FECH: variants seen among roughly 807,000 people sequenced by gnomAD.
The protein encoded by FECH is ferrochelatase, mitochondrial.
A neutral mutation model predicts 56.9 loss-of-function variants in FECH; 40 were observed. The observed-to-expected ratio is 0.70, with a 90% CI of 0.55 to 0.92. The LOEUF (loss-of-function observed/expected upper bound fraction) is 0.92. Ranked by LOEUF, FECH falls within the 40% of genes least tolerant of loss-of-function variation. FECH has a pLI of 0.00. For missense variants in FECH, 431 were observed against 529.1 expected (o/e 0.81, Z 1.82); for synonymous variants, 175 against 198.6 (o/e 0.88, Z 1.00).
rs181552597 is a variant in FECH at position 57,545,611 on chromosome 18, C to T, written c.*5101G>A. 1.4e-3 allele frequency among the ~76,000 whole-genome samples: 211 copies of T among 152,322 alleles called. 2 individuals carry two copies. The highest frequency in any genetic ancestry group is 4.8e-3 in the African/African-American group (201 of 41,574). Reference sequence around the variant, plus strand: ...GGCTGAAGGGCACCACCTGCTATTGCTCATCATATTCGTGCCATTCAACAA... The same window carrying T: ...GGCTGAAGGGCACCACCTGCTATTGTTCATCATATTCGTGCCATTCAACAA... On this transcript the variant is annotated 3_prime_UTR_variant, in exon 11 of 11. Transcript: ENST00000262093.
At chr18:57,575,635 G>A (rs951670298) in intron 2 of FECH, among the ~76,000 whole-genome samples, 5 of 152,140 alleles carry the variant, frequency 3.3e-5, no homozygotes, top group African/African-American at 1.2e-4. Context: ...TATAGACAGA[G>A]TCTCGCCATG....
Position 57,566,584 on chromosome 18 carries a change from A to G in FECH, c.464-3T>C, listed in dbSNP as rs1243942050. The G allele has an allele frequency of 6.2e-7, 1 of 1,614,152 alleles. No individual in the cohort carries two copies. Among genetic ancestry groups the G allele is most frequent in the Non-Finnish European group, 8.5e-7 (1 of 1,179,984 alleles). On this transcript the variant is annotated splice_polypyrimidine_tract_variant and splice_region_variant and intron_variant, in intron 4 of 10. Coordinates refer to ENST00000262093, the MANE Select transcript of FECH (RefSeq NM_000140.5). The stretch of plus-strand genomic sequence containing the variant: ...TCCAATATAGTATTTGTGAGGGGCT[A>G]TTAGGAAGCACATGTGGAAAGGAGA...
In FECH at chr18:57,570,327, G is replaced by A. The variant is rs143441223; in HGVS notation, c.463+1065C>T. ...GAGGAACTGCATAAGAAATGCCCTT[G>A]AGCCACAGCTTTAAGCAGGAAGCAA... On this transcript the variant is annotated intron_variant, in intron 4 of 10. Coordinates refer to ENST00000262093, the MANE Select transcript of FECH (RefSeq NM_000140.5). 3.3e-4 allele frequency among the ~76,000 whole-genome samples: 50 copies of A among 152,316 alleles called. 1 individual carries two copies. Among genetic ancestry groups the A allele is most frequent in the South Asian group, 6.2e-4 (3 of 4,828 alleles).
intron 9 of FECH, among the ~76,000 whole-genome samples, chr18:57,554,051 G>T (rs923253825): frequency 6.6e-6 from 1 of 152,150 alleles, no homozygotes; most frequent in Non-Finnish European, 1.5e-5. Flanking sequence ...CTGGTTTAAG[G>T]AAAGCACAGG....
At chr18:57,575,962 C>A (rs968547577) in intron 2 of FECH, among the ~76,000 whole-genome samples, 5 of 151,980 alleles carry the variant, frequency 3.3e-5, no homozygotes, top group Non-Finnish European at 5.9e-5. Context: ...TCATTTAGAC[C>A]CCATTATAAA....
rs2050707769 is a variant in FECH at position 57,545,425 on chromosome 18, C to T, written c.*5287G>A. Reference sequence around the variant, plus strand: ...TTATCATGGGGTGCATTTTTCACTTCCTTTTCTCTGAAGAAAGGCTTAGTA... The same window carrying T: ...TTATCATGGGGTGCATTTTTCACTTTCTTTTCTCTGAAGAAAGGCTTAGTA... On this transcript the variant is annotated 3_prime_UTR_variant, in exon 11 of 11. Transcript: ENST00000262093. Among the ~76,000 whole-genome samples the T allele has an allele frequency of 1.3e-5, 2 of 152,170 alleles. No homozygotes were observed. The highest frequency in any genetic ancestry group is 4.1e-4 in the South Asian group (2 of 4,834).
rs570159964 is a variant in FECH, at chr18:57,573,045, G to T, written c.314+201C>A. On this transcript the variant is annotated intron_variant, in intron 3 of 10. Coordinates refer to ENST00000262093, the MANE Select transcript of FECH (RefSeq NM_000140.5). ...CTCTGGGGAGCAAAGGGCTCAAGGA[G>T]AATCCCCACTAACTTATTTGCTCTC... The T allele has an allele frequency of 1.3e-4, 78 of 613,672 alleles. No individual in the cohort carries two copies. The South Asian group carries it at 1.5e-3, about 12-fold the overall frequency. The allele number at this position is 613,672 out of a possible 1,614,324, so 38.0% of individuals were successfully genotyped here.
At chr18:57,552,845 G>A (rs1001439424) in intron 9 of FECH, among the ~76,000 whole-genome samples, 3 of 152,182 alleles carry the variant, frequency 2.0e-5, no homozygotes, top group Non-Finnish European at 2.9e-5. Context: ...AATAACCAGC[G>A]TTGGTAAAGG....
At chr18:57,579,307 G>GTA in intron 2 of FECH, among the ~76,000 whole-genome samples, 2 of 135,654 alleles carry the variant, frequency 1.5e-5, no homozygotes, top group Admixed American at 7.4e-5. Flanking sequence ...GTGTGTGTGT[G>GTA]TGTGTGTATA....
In FECH at chr18:57,562,939, C is replaced by T. The variant is rs761709794; in HGVS notation, c.640G>A (p.Gly214Arg). The T allele has an allele frequency of 1.2e-6, 2 of 1,614,030 alleles. No homozygotes were observed. Among genetic ancestry groups the T allele is most frequent in the Non-Finnish European group, 1.7e-6 (2 of 1,180,004 alleles). The change falls in exon 6 of 11, where the codon GGA becomes AGA. Residue 214 changes from glycine to arginine, a missense_variant. By Grantham distance (125) the Gly-to-Arg change is moderately radical. Coordinates refer to ENST00000262093, the MANE Select transcript of FECH (RefSeq NM_000140.5). ...CTCCACTTCATCGTGGGCTTCCGTC[C>T]CACTTGATTATAGTATCTGTAAATG... ...NAIYRYYNQVGRKPTMKWSTI... is the reference protein window; with the variant it reads ...NAIYRYYNQVRRKPTMKWSTI...
At chr18:57,555,926 C>T (rs1431155176) in intron 7 of FECH, among the ~76,000 whole-genome samples, 2 of 152,132 alleles carry the variant, frequency 1.3e-5, no homozygotes, top group Admixed American at 6.5e-5. Flanking sequence ...GTCAGGAGTT[C>T]GAGACCAGCC....
intron 6 of FECH, among the ~76,000 whole-genome samples, chr18:57,561,360 T>C (rs571709937): frequency 1.3e-5 from 2 of 152,366 alleles, no homozygotes; most frequent in East Asian, 3.9e-4. Flanking sequence ...CCTAGTGTTT[T>C]TCTTTTCTCG....
At chr18:57,584,178 C>CA (rs373579412) in intron 1 of FECH, among the ~76,000 whole-genome samples, 4 of 137,298 alleles carry the variant, frequency 2.9e-5, no homozygotes, top group African/African-American at 5.4e-5. Context: ...GACTCCGTCT[C>CA]AAAAAAAAAA....
Position 57,546,349 on chromosome 18 carries a change from C to T in FECH, c.*4363G>A, listed in dbSNP as rs375097125. Among the ~76,000 whole-genome samples, 11 of 152,140 alleles carry T rather than the reference C, an allele frequency of 7.2e-5. No individual in the cohort carries two copies. In the South Asian group the frequency reaches 1.2e-3, roughly 17 times the overall value. ...TGGGCAAGGTGGTCCTTTGCCGCAT[C>T]GACAGGAGCTCATACGGCAGAGCCC... On this transcript the variant is annotated 3_prime_UTR_variant, in exon 11 of 11. Transcript: ENST00000262093.
intron 2 of FECH, among the ~76,000 whole-genome samples, chr18:57,575,057 C>A (rs1235482935): frequency 6.6e-6 from 1 of 152,140 alleles, no homozygotes; most frequent in Non-Finnish European, 1.5e-5. Context: ...ATTCAGGACA[C>A]TTCATAGAAA....
chr18:57,579,470 TTCTGTTGCC>T (rs2051242785), intron 2 of FECH, among the ~76,000 whole-genome samples: 1 of 152,094 alleles, frequency 6.6e-6, no homozygotes, highest in Non-Finnish European at 1.5e-5. Context: ...TTATAGAGTC[TTCTGTTGCC>T]TCTGTACAGA....
Position 57,573,270 on chromosome 18 carries a change from T to C in FECH, c.290A>G (p.Asp97Gly). ...DFLLRLFLDR[D>G]LMTLPIQNKL... is the part of the protein sequence containing the mutation. ...CTTCTGAATAGGAAGTGTCATGAGG[T>C]CTCGGTCCAAGAAGAGTCTCAGAAG... The change falls in exon 3 of 11, where the codon GAC becomes GGC. Residue 97 changes from aspartate (D) to glycine (G), a missense_variant. Transcript: ENST00000262093. 6.2e-7 allele frequency: 1 copy of C among 1,613,800 alleles called. No individual in the cohort carries two copies. The highest frequency in any genetic ancestry group is 8.5e-7 in the Non-Finnish European group (1 of 1,179,680).
intron 7 of FECH, among the ~76,000 whole-genome samples, chr18:57,556,799 C>T (rs188964051): frequency 3.1e-4 from 47 of 150,466 alleles, no homozygotes; most frequent in African/African-American, 1.0e-3. Flanking sequence ...TAGTCCCAGT[C>T]ACTCGGGAGG....
At chr18:57,565,252 C>T (rs1330435338) in intron 5 of FECH, among the ~76,000 whole-genome samples, 1 of 152,184 alleles carries the variant, frequency 6.6e-6, no homozygotes, top group African/African-American at 2.4e-5. Context: ...AATCTGACTC[C>T]TTCTCCAGTA....
Sources: gnomAD v4.1 joint callset for allele counts (sites outside exome capture counted in the v4.1 genomes callset) on GRCh38, gnomAD v4.1.1 for gene constraint, MANE v1.5 for transcripts, NCBI Gene and HGNC (gene_info 2026-07-23, HGNC 2026-07-21) for gene names.